The following TGM4 variants were observed in gnomAD, a reference collection of about 807,000 sequenced individuals.
TGM4 encodes protein-glutamine gamma-glutamyltransferase 4.
Under a neutral mutation model 76.3 loss-of-function variants are expected in TGM4, and 61 were observed. The ratio of observed to expected loss-of-function variants is 0.80; its 90% confidence interval spans 0.65 to 0.99. The LOEUF (loss-of-function observed/expected upper bound fraction) is 0.99. Ranked by LOEUF, TGM4 falls within the 50% of genes least tolerant of loss-of-function variation. The pLI, the probability that TGM4 is intolerant of heterozygous loss-of-function variation, is 0.00. For synonymous variants in TGM4, 337 were observed against 329.8 expected, an observed-to-expected ratio of 1.02 and a Z score of -0.24; for missense variants, 794 against 843.2, an observed-to-expected ratio of 0.94 and a Z score of 0.72.
Position 44,885,373 on chromosome 3 carries a change from C to G in TGM4, c.68C>G (p.Ser23Cys), listed in dbSNP as rs1427219159. The G allele has an allele frequency of 5.0e-6, 8 of 1,613,818 alleles. No individual in the cohort carries two copies. Among genetic ancestry groups the G allele is most frequent in the Non-Finnish European group, 5.9e-6 (7 of 1,179,848 alleles). The change falls in exon 2 of 14, where the codon TCT (serine) becomes TGT (cysteine). Residue 23 changes from serine to cysteine, a missense_variant. Transcript: ENST00000296125. ...TTCTTGAATCAGGACAACGCCGTTT[C>G]TCACCACACATGGGAGTTCCAAACG... ...IDFLNQDNAVSHHTWEFQTSS... is the reference protein window; with the variant it reads ...IDFLNQDNAVCHHTWEFQTSS...
chr3:44,875,125 A>G (rs1048500460), intron 1 of TGM4, among the ~76,000 whole-genome samples: 23 of 152,232 alleles, frequency 1.5e-4, no homozygotes, highest in African/African-American at 5.3e-4. Flanking sequence ...TACGTAACCA[A>G]TACAATTATG....
chr3:44,910,207 T>A lies in TGM4; in HGVS notation c.1445T>A (p.Val482Glu), dbSNP rs758604616. ...CACATGTCGGTACAATCAGATGATG[T>A]GCTGCTGGGAAACTCTGTTAATTTC... ...FLHMSVQSDD[V>E]LLGNSVNFTV... is the part of the protein sequence containing the mutation. Residue 482 changes from valine to glutamate, a missense_variant, in exon 11 of 14, where the codon GTG becomes GAG. Transcript: ENST00000296125. 1 of 1,614,100 alleles carries A rather than the reference T, an allele frequency of 6.2e-7. No individual in the cohort carries two copies. The highest frequency in any genetic ancestry group is 8.5e-7 in the Non-Finnish European group (1 of 1,180,050).
In TGM4 at chr3:44,885,278, TA is replaced by T. The variant is rs766549776; in HGVS notation, c.20-44del. 1.9e-6 allele frequency: 3 copies of T among 1,547,968 alleles called. No individual in the cohort carries two copies. The African/African-American group carries it at 4.1e-5, about 21-fold the overall frequency. ...AACCCAGAAAGAGGTGATCAGGGAA[TA>T]AACATTCTCTGTGCTCTCTTTCCAC... On this transcript the variant is annotated intron_variant, in intron 1 of 13. Transcript: ENST00000296125.
intron 1 of TGM4, among the ~76,000 whole-genome samples, chr3:44,875,308 A>G (rs1699437161): frequency 6.6e-6 from 1 of 152,146 alleles, no homozygotes; most frequent in South Asian, 2.1e-4. Flanking sequence ...TTCTTCTGTC[A>G]TTCTTGGAGT....
chr3:44,879,562 T>C (rs899853692), intron 1 of TGM4, among the ~76,000 whole-genome samples: 2 of 150,604 alleles, frequency 1.3e-5, no homozygotes, highest in African/African-American at 2.4e-5. Context: ...AAGCTCTGCC[T>C]CCCAGGTTCA....
In TGM4 at chr3:44,874,716, C is replaced by T. The variant is rs761206130; in HGVS notation, c.19+19C>T. 20 of 1,614,026 alleles carry T rather than the reference C, an allele frequency of 1.2e-5. No homozygotes were observed. The highest frequency in any genetic ancestry group is 1.6e-5 in the Non-Finnish European group (19 of 1,180,020). On this transcript the variant is annotated intron_variant, in intron 1 of 13. Coordinates refer to ENST00000296125, the MANE Select transcript of TGM4 (RefSeq NM_003241.4). ...TCAAAAGGTGAGTGGGTGAAATCTC[C>T]ATGGAGCCCCACATGCCCCTTCAGC...
intron 10 of TGM4, 66 bp from the exon 11 acceptor site, chr3:44,910,024 C>A: frequency 6.4e-7 from 1 of 1,556,184 alleles, no homozygotes; most frequent in Non-Finnish European, 8.7e-7. Flanking sequence ...TTCTGCCACA[C>A]GGGTGGTTGG....
At chr3:44,907,857 A>G (rs1699946545) in intron 10 of TGM4, among the ~76,000 whole-genome samples, 1 of 152,082 alleles carries the variant, frequency 6.6e-6, no homozygotes, top group African/African-American at 2.4e-5. Context: ...TGGTTCCTGT[A>G]CCACGTGGTA....
chr3:44,887,926 A>T (rs1356905858), intron 3 of TGM4, 131 bp downstream of exon 3: 13 of 756,002 alleles, frequency 1.7e-5, no homozygotes, highest in Non-Finnish European at 2.7e-5. Context: ...GCACAGCATG[A>T]TAGAGGGGCC....
At chr3:44,874,895 A>G (rs1699430375) in intron 1 of TGM4, among the ~76,000 whole-genome samples, 198 bp downstream of exon 1, 1 of 152,258 alleles carries the variant, frequency 6.6e-6, no homozygotes, top group Non-Finnish European at 1.5e-5. Context: ...CAGATTTACA[A>G]AAAGATTGCA....
chr3:44,913,613 C>T lies in TGM4; in HGVS notation c.1943C>T (p.Ser648Phe), dbSNP rs759347180. ...GTVQPGETIQ[S>F]QIKCTPIKTG... ...GTGCAGCCTGGTGAGACCATCCAAT[C>T]CCAAATAAAATGCACCCCAATAAAA... is the stretch of plus-strand genomic sequence containing the variant. Residue 648 changes from serine (S) to phenylalanine (F), a missense_variant, in exon 14 of 14, where the codon TCC (serine) becomes TTC (phenylalanine). Ser to Phe is a radical substitution (Grantham distance 155). Coordinates refer to ENST00000296125, the MANE Select transcript of TGM4 (RefSeq NM_003241.4). 4 of 1,614,134 alleles carry T rather than the reference C, an allele frequency of 2.5e-6. No individual in the cohort carries two copies. Among genetic ancestry groups the T allele is most frequent in the East Asian group, 2.2e-5 (1 of 44,886 alleles).
intron 1 of TGM4, among the ~76,000 whole-genome samples, chr3:44,884,113 T>C (rs115194517): frequency 0.02 from 2,985 of 152,278 alleles, 53 homozygotes; most frequent in Middle Eastern, 0.065. Context: ...TCAGGGTGGG[T>C]CTGGCAGTCT....
intron 8 of TGM4, among the ~76,000 whole-genome samples, chr3:44,902,432 T>G (rs972534198): frequency 6.6e-6 from 1 of 152,104 alleles, no homozygotes; most frequent in Admixed American, 6.5e-5. Flanking sequence ...AAACCCCATC[T>G]CTACTAAAAA....
At chr3:44,894,947 G>A (rs565055619) in intron 5 of TGM4, among the ~76,000 whole-genome samples, 1 of 152,244 alleles carries the variant, frequency 6.6e-6, no homozygotes, top group East Asian at 1.9e-4. Flanking sequence ...ACGAACCGCA[G>A]GAGGGGTAGG....
chr3:44,896,663 C>T, intron 5 of TGM4, 46 bp from the exon 6 acceptor site: 1 of 1,588,482 alleles, frequency 6.3e-7, no homozygotes, highest in East Asian at 2.2e-5. Flanking sequence ...AAGTTTCTGA[C>T]ACAGGGCAAA....
intron 6 of TGM4, 32 bp downstream of exon 6, chr3:44,896,848 T>C (rs1699786059): frequency 1.3e-6 from 2 of 1,583,664 alleles, no homozygotes; most frequent in African/African-American, 2.7e-5. Flanking sequence ...TGATGCTGTC[T>C]TGTACTTGCC....
At position 44,874,831 on chromosome 3, in the gene TGM4, T is replaced by C. The variant is rs1004554352; in HGVS notation, c.19+134T>C. On this transcript the variant is annotated intron_variant, in intron 1 of 13. Transcript: ENST00000296125. ...ACTTGTGGCCCTGGTGCTGCTTGCT[T>C]TCTGTCTCATCCCTTTTTAGAAAAC... is the stretch of plus-strand genomic sequence containing the variant. 1.7e-5 allele frequency: 17 copies of C among 989,062 alleles called. No homozygotes were observed. In the African/African-American group the frequency reaches 2.6e-4, roughly 15 times the overall value. The allele number at this position is 989,062 out of a possible 1,614,324, so 61.3% of individuals were successfully genotyped here.
At chr3:44,879,456 G>A (rs1246614364) in intron 1 of TGM4, among the ~76,000 whole-genome samples, 1 of 148,936 alleles carries the variant, frequency 6.7e-6, no homozygotes, top group Non-Finnish European at 1.5e-5. Flanking sequence ...ACAGGCATGT[G>A]CCACCAAGCC....
In TGM4 at chr3:44,910,273, T is replaced by G. The variant is rs1699984550; in HGVS notation, c.1511T>G (p.Val504Gly). Residue 504 changes from valine (V) to glycine (G), a missense_variant, in exon 11 of 14, where the codon GTC (valine) becomes GGC (glycine). Transcript: ENST00000296125. ...LKRKTAALQN[V>G]NILGSFELQL... Reference sequence around the variant, plus strand: ...AGGAAGACCGCTGCCCTACAGAATGTCAACATCTTGGGCTCCTTTGAACTA... The same window carrying G: ...AGGAAGACCGCTGCCCTACAGAATGGCAACATCTTGGGCTCCTTTGAACTA... The G allele has an allele frequency of 1.2e-6, 2 of 1,614,210 alleles. No individual in the cohort carries two copies. The highest frequency in any genetic ancestry group is 1.7e-6 in the Non-Finnish European group (2 of 1,180,036).
Sources: allele counts gnomAD v4.1 joint callset (sites outside exome capture counted in the v4.1 genomes callset), GRCh38; gene constraint gnomAD v4.1.1; transcripts MANE v1.5; gene names NCBI Gene and HGNC (gene_info 2026-07-23, HGNC 2026-07-21).